ZNRF1: variants seen among roughly 807,000 people sequenced by gnomAD.
The protein encoded by ZNRF1 is E3 ubiquitin-protein ligase ZNRF1.
ZNRF1 carries 3 observed loss-of-function variants against 18.4 expected under a neutral mutation model. The ratio of observed to expected loss-of-function variants is 0.16; its 90% CI spans 0.07 to 0.42. The LOEUF (loss-of-function observed/expected upper bound fraction) is 0.42, where lower values mean the gene tolerates loss of function less well. Among genes scored for constraint, ZNRF1 ranks in the 10% least tolerant of loss-of-function variants. The probability of loss-of-function intolerance (pLI) is 0.99; values close to 1 mark genes in which losing one functional copy is unlikely to be tolerated. For synonymous variants in ZNRF1, 157 were observed against 144.2 expected (o/e 1.09, Z -0.64); for missense variants, 310 against 329.8 (o/e 0.94, Z 0.47).
At chr16:75,048,600 A>G (rs1413992215) in intron 1 of ZNRF1, among the ~76,000 whole-genome samples, 1 of 152,192 alleles carries the variant, frequency 6.6e-6, no homozygotes, top group Non-Finnish European at 1.5e-5. Context: ...TGAGTTGAAG[A>G]AATTCCCTTT....
At chr16:75,054,053 T>C (rs1264231717) in intron 1 of ZNRF1, among the ~76,000 whole-genome samples, 2 of 152,240 alleles carry the variant, frequency 1.3e-5, no homozygotes, top group African/African-American at 4.8e-5. Flanking sequence ...ATTTCTTCCT[T>C]CCTTGTTGAC....
At chr16:75,012,492 G>A (rs768026921) in intron 1 of ZNRF1, among the ~76,000 whole-genome samples, 12 of 152,184 alleles carry the variant, frequency 7.9e-5, no homozygotes, top group Non-Finnish European at 1.3e-4. Flanking sequence ...TTTACAAAAA[G>A]TGGATTCATA....
intron 1 of ZNRF1, among the ~76,000 whole-genome samples, chr16:75,086,088 C>T (rs2036070538): frequency 6.6e-6 from 1 of 152,054 alleles, no homozygotes; most frequent in Non-Finnish European, 1.5e-5. Context: ...CCTTTTGATT[C>T]TATTCAGGTC....
At position 75,050,588 on chromosome 16, in the gene ZNRF1, G is replaced by A. The variant is rs544262206; in HGVS notation, c.425-42984G>A. Among the ~76,000 whole-genome samples the A allele has an allele frequency of 1.6e-3, 236 of 151,640 alleles. 3 individuals carry two copies. The highest frequency in any genetic ancestry group is 6.3e-4 in the Non-Finnish European group (43 of 67,876). On this transcript the variant is annotated intron_variant, in intron 1 of 4. Transcript: ENST00000335325. ...AAAAAAAATAAAAATACTTGTAGCC[G>A]CCGGGCACGGTGGCTCACGCCTGTA...
In ZNRF1 at chr16:75,108,005, A is replaced by C. The variant is rs77677435; in HGVS notation, c.*305A>C. The C allele has an allele frequency of 3.8e-5, 11 of 290,970 alleles. No individual in the cohort carries two copies. The highest frequency in any genetic ancestry group is 8.4e-5 in the South Asian group (3 of 35,784). 18.0% of individuals were successfully genotyped at this position (290,970 alleles called of 1,614,324 possible). On this transcript the variant is annotated 3_prime_UTR_variant, in exon 5 of 5. Coordinates refer to ENST00000335325, the MANE Select transcript of ZNRF1 (RefSeq NM_032268.5). ...GTGGGTCTGTCTTTAAAGTGTTTAC[A>C]AAAAAAAATTATATAAAAAAAAAGT...
intron 1 of ZNRF1, among the ~76,000 whole-genome samples, chr16:75,009,583 C>G (rs542745331): frequency 1.3e-3 from 202 of 152,274 alleles, no homozygotes; most frequent in African/African-American, 4.7e-3. Context: ...AGCTGTAATT[C>G]ATTGTTAGAA....
chr16:75,061,484 TCTCA>T (rs1270219873), intron 1 of ZNRF1, among the ~76,000 whole-genome samples: 1 of 51,068 alleles, frequency 2.0e-5, no homozygotes, highest in Admixed American at 1.9e-4. Flanking sequence ...GATTACTGGA[TCTCA>T]CTCTTTTTTA....
At chr16:75,075,297 A>G (rs982047478) in intron 1 of ZNRF1, among the ~76,000 whole-genome samples, 1 of 152,250 alleles carries the variant, frequency 6.6e-6, no homozygotes, top group Non-Finnish European at 1.5e-5. Context: ...ACTGCACACC[A>G]CAGCATGGTG....
chr16:75,082,983 G>T (rs377595764), intron 1 of ZNRF1, among the ~76,000 whole-genome samples: 2 of 152,142 alleles, frequency 1.3e-5, no homozygotes, highest in African/African-American at 4.8e-5. Flanking sequence ...CTTTAAAATC[G>T]AGATGTGCTA....
intron 1 of ZNRF1, among the ~76,000 whole-genome samples, chr16:75,052,215 A>G (rs986566388): frequency 6.6e-5 from 10 of 152,088 alleles, no homozygotes; most frequent in African/African-American, 2.4e-4. Context: ...CTTGGGCAAC[A>G]TGGTGAAACC....
At chr16:75,053,886 C>T (rs1460404172) in intron 1 of ZNRF1, among the ~76,000 whole-genome samples, 1 of 152,202 alleles carries the variant, frequency 6.6e-6, no homozygotes, top group Non-Finnish European at 1.5e-5. Flanking sequence ...CTGTTCAGGT[C>T]ACCTCTGCTG....
intron 1 of ZNRF1, among the ~76,000 whole-genome samples, chr16:75,050,280 C>G (rs150130614): frequency 6.6e-6 from 1 of 152,174 alleles, no homozygotes; most frequent in East Asian, 1.9e-4. Flanking sequence ...AATCCCGGCA[C>G]TTGGTGAGGT....
At chr16:75,042,447 T>TC (rs981750879) in intron 1 of ZNRF1, among the ~76,000 whole-genome samples, 5 of 147,434 alleles carry the variant, frequency 3.4e-5, no homozygotes, top group African/African-American at 9.8e-5. Context: ...TTCTTTCTTT[T>TC]TTTTTTTTTT....
At chr16:75,083,572 G>A (rs533586612) in intron 1 of ZNRF1, among the ~76,000 whole-genome samples, 1 of 152,280 alleles carries the variant, frequency 6.6e-6, no homozygotes, top group Middle Eastern at 3.4e-3. Context: ...AAGTGGCTAG[G>A]CACAGTATTA....
In ZNRF1 at chr16:75,010,688, TCTGTA is replaced by T. The variant is rs1239786088; in HGVS notation, c.424+10603_424+10607del. Among the ~76,000 whole-genome samples, 209 of 150,294 alleles carry T rather than the reference TCTGTA, an allele frequency of 1.4e-3. 3 individuals carry two copies. The highest frequency in any genetic ancestry group is 4.8e-3 in the African/African-American group (199 of 41,064). ...AAGAGTTGTTCTGAAATTAGTCACC[TCTGTA>T]CTGTACTGTTTTTTTTTGTTTTTTT... is the stretch of plus-strand genomic sequence containing the variant. On this transcript the variant is annotated intron_variant, in intron 1 of 4. Transcript: ENST00000335325.
intron 1 of ZNRF1, among the ~76,000 whole-genome samples, chr16:75,015,902 G>A (rs1224108848): frequency 6.6e-6 from 1 of 151,250 alleles, no homozygotes; most frequent in Non-Finnish European, 1.5e-5. Context: ...CTATCCTTGT[G>A]CTAATACGCT....
intron 1 of ZNRF1, among the ~76,000 whole-genome samples, chr16:75,003,014 T>A (rs557942811): frequency 6.6e-6 from 1 of 152,312 alleles, no homozygotes; most frequent in African/African-American, 2.4e-5. Context: ...AGTGCAGTGG[T>A]GCGACCTCTG....
rs552477206 is a variant in ZNRF1 at position 75,029,247 on chromosome 16, C to T, written c.424+29152C>T. 3.9e-4 allele frequency among the ~76,000 whole-genome samples: 59 copies of T among 152,162 alleles called. No individual in the cohort carries two copies. The South Asian group carries it at 5.4e-3, about 14-fold the overall frequency. On this transcript the variant is annotated intron_variant, in intron 1 of 4. Coordinates refer to ENST00000335325, the MANE Select transcript of ZNRF1 (RefSeq NM_032268.5). ...CTGCAAGCTCCACCTTCCGGGTTCA[C>T]GCCATTCTCCTGCCTCAGCCACCCA... is the stretch of plus-strand genomic sequence containing the variant.
At chr16:75,061,868 C>G (rs987216774) in intron 1 of ZNRF1, among the ~76,000 whole-genome samples, 1 of 152,180 alleles carries the variant, frequency 6.6e-6, no homozygotes, top group Non-Finnish European at 1.5e-5. Flanking sequence ...CAGCTTCTGA[C>G]CTGGCTGAGA....
Sources: gnomAD v4.1 joint callset for allele counts (sites outside exome capture counted in the v4.1 genomes callset) on GRCh38, gnomAD v4.1.1 for gene constraint, MANE v1.5 for transcripts, NCBI Gene and HGNC (gene_info 2026-07-23, HGNC 2026-07-21) for gene names.